ATP6V0A1: variants seen among roughly 807,000 people sequenced by gnomAD.
ATP6V0A1 encodes ATPase H+ transporting V0 subunit a1, also known as V-type proton ATPase 116 kDa subunit a 1.
Under a neutral mutation model 105.4 loss-of-function variants are expected in ATP6V0A1, and 43 were observed. The observed-to-expected ratio is 0.41, with a 90% confidence interval of 0.32 to 0.53. The LOEUF (loss-of-function observed/expected upper bound fraction) is 0.53, where lower values mean the gene tolerates loss of function less well. Among genes scored for constraint, ATP6V0A1 ranks in the 20% least tolerant of loss-of-function variants. ATP6V0A1 has a pLI of 0.30. For synonymous variants in ATP6V0A1, 362 were observed against 372.8 expected (o/e 0.97, Z 0.33); for missense variants, 676 against 1,051.1 (o/e 0.64, Z 4.93).
At chr17:42,464,102 T>G (rs927772201) in intron 2 of ATP6V0A1, among the ~76,000 whole-genome samples, 1 of 152,198 alleles carries the variant, frequency 6.6e-6, no homozygotes, top group Non-Finnish European at 1.5e-5. Flanking sequence ...TGTTCAAAGG[T>G]CAACAGTAAC....
At chr17:42,484,128 G>A (rs533558692) in intron 9 of ATP6V0A1, among the ~76,000 whole-genome samples, 1 of 152,108 alleles carries the variant, frequency 6.6e-6, no homozygotes, top group Non-Finnish European at 1.5e-5. Flanking sequence ...CGCGATCTCG[G>A]CTCACTGCAA....
intron 10 of ATP6V0A1, among the ~76,000 whole-genome samples, chr17:42,490,241 C>A (rs1195948573): frequency 6.6e-6 from 1 of 152,140 alleles, no homozygotes; most frequent in Non-Finnish European, 1.5e-5. Flanking sequence ...GGATGTATTT[C>A]AGAGGATCTA....
chr17:42,508,244 T>C (rs2092147493), intron 18 of ATP6V0A1, among the ~76,000 whole-genome samples: 1 of 152,234 alleles, frequency 6.6e-6, no homozygotes, highest in Non-Finnish European at 1.5e-5. Flanking sequence ...TTAAATCTCA[T>C]CTACTCATTA....
chr17:42,507,433 T>G, intron 17 of ATP6V0A1, 87 bp from the exon 18 acceptor site: 1 of 912,730 alleles, frequency 1.1e-6, no homozygotes, highest in Admixed American at 2.2e-5. Flanking sequence ...TTTCTGAGGT[T>G]TGTGTTACTA....
chr17:42,471,084 CT>C (rs1207940170), intron 5 of ATP6V0A1: 1 of 151,472 alleles, frequency 6.6e-6, no homozygotes, highest in Non-Finnish European at 1.5e-5. Flanking sequence ...GATTGCTCCA[CT>C]GCACTCCAGC....
intron 6 of ATP6V0A1, 43 bp from the exon 7 acceptor site, chr17:42,478,420 A>G (rs374321190): frequency 6.3e-5 from 92 of 1,460,596 alleles, no homozygotes; most frequent in African/African-American, 3.6e-4. Context: ...CTTCCATCCC[A>G]TGACATGGAA....
intron 10 of ATP6V0A1, among the ~76,000 whole-genome samples, chr17:42,489,883 A>T (rs1035729996): frequency 6.6e-6 from 1 of 152,212 alleles, no homozygotes; most frequent in Non-Finnish European, 1.5e-5. Flanking sequence ...TTGCAATGCT[A>T]TGAGATAGGC....
intron 9 of ATP6V0A1, among the ~76,000 whole-genome samples, chr17:42,484,083 A>G (rs1441855447): frequency 1.3e-5 from 2 of 151,636 alleles, no homozygotes; most frequent in African/African-American, 2.4e-5. Flanking sequence ...TGTTTTTGAG[A>G]CGGAGTCTCT....
chr17:42,487,234 T>A lies in ATP6V0A1; in HGVS notation c.890T>A (p.Val297Glu). 1 of 1,614,162 alleles carries A rather than the reference T, an allele frequency of 6.2e-7. No homozygotes were observed. Among genetic ancestry groups the A allele is most frequent in the Non-Finnish European group, 8.5e-7 (1 of 1,180,020 alleles). Residue 297 changes from valine (V) to glutamate (E), a missense_variant, in exon 10 of 22, where the codon GTG becomes GAG. Val to Glu is a moderately radical substitution (Grantham distance 121, BLOSUM62 -2). Around this residue, in one of 3 missense-constraint regions of ATP6V0A1, gnomAD observed 239 missense variants for 388.4 expected, o/e 0.62. Coordinates refer to ENST00000343619, the MANE Select transcript of ATP6V0A1 (RefSeq NM_001130021.3). ...AKNIRVWFIK[V>E]RKMKAIYHTL... The stretch of plus-strand genomic sequence containing the variant: ...AACATCCGTGTCTGGTTCATCAAAG[T>A]GCGGAAGATGAAGGCCATCTATCAC...
chr17:42,473,657 T>C (rs1000880130), intron 5 of ATP6V0A1, among the ~76,000 whole-genome samples: 6 of 152,226 alleles, frequency 3.9e-5, no homozygotes, highest in African/African-American at 1.4e-4. Flanking sequence ...TGCTGAGATA[T>C]TGCTATCTCA....
intron 21 of ATP6V0A1, 113 bp downstream of exon 21, chr17:42,514,573 T>G: frequency 8.6e-7 from 1 of 1,161,272 alleles, no homozygotes; most frequent in Non-Finnish European, 1.2e-6. Flanking sequence ...AAAGATGAGC[T>G]GGCCCTGCAC....
intron 5 of ATP6V0A1, among the ~76,000 whole-genome samples, chr17:42,474,882 A>T (rs2088523137): frequency 6.6e-6 from 1 of 152,214 alleles, no homozygotes; most frequent in African/African-American, 2.4e-5. Context: ...TAGTCTTATG[A>T]TTAAAGATGA....
intron 21 of ATP6V0A1, among the ~76,000 whole-genome samples, chr17:42,517,174 G>A (rs1016055970): frequency 5.9e-5 from 9 of 152,138 alleles, no homozygotes; most frequent in African/African-American, 4.8e-5. Flanking sequence ...CAGCTACTCG[G>A]GAGGCTGAGG....
rs753691113 is a variant in ATP6V0A1, at chr17:42,480,702, C to T, written c.669C>T (p.Phe223=). Residue 223 remains phenylalanine, a synonymous_variant, in exon 8 of 22, where the codon TTC becomes TTT. Transcript: ENST00000343619. The stretch of plus-strand genomic sequence containing the variant: ...TGCACAAGTCTGTGTTTATCATTTT[C>T]TTCCAAGGCGATCAGCTGAAAAACA... ...DYVHKSVFII[F]FQGDQLKNRV... is the part of the protein sequence containing the mutation. The T allele has an allele frequency of 1.2e-6, 2 of 1,613,710 alleles. No individual in the cohort carries two copies. Among genetic ancestry groups the T allele is most frequent in the Admixed American group, 1.7e-5 (1 of 59,956 alleles).
At chr17:42,468,689 C>G (rs1268237966) in intron 4 of ATP6V0A1, among the ~76,000 whole-genome samples, 1 of 152,134 alleles carries the variant, frequency 6.6e-6, no homozygotes, top group East Asian at 1.9e-4. Flanking sequence ...CAGTTCTATC[C>G]ATGTTGCTGC....
chr17:42,488,761 T>G (rs1193533850), intron 10 of ATP6V0A1, among the ~76,000 whole-genome samples: 1 of 112,830 alleles, frequency 8.9e-6, no homozygotes, highest in Non-Finnish European at 1.8e-5. Context: ...ACTCTTGTAA[T>G]CCAGCACTTT....
chr17:42,512,618 C>G (rs1439124975), intron 19 of ATP6V0A1, among the ~76,000 whole-genome samples: 2 of 152,180 alleles, frequency 1.3e-5, no homozygotes, highest in Non-Finnish European at 2.9e-5. Flanking sequence ...GAGAAGCAGA[C>G]GTTCGCCCAG....
chr17:42,488,437 G>A (rs1401260441), intron 10 of ATP6V0A1, among the ~76,000 whole-genome samples: 2 of 152,086 alleles, frequency 1.3e-5, no homozygotes, highest in African/African-American at 4.8e-5. Flanking sequence ...TAGGGGTAAA[G>A]GAACATGATC....
At chr17:42,473,413 G>C (rs1463895237) in intron 5 of ATP6V0A1, among the ~76,000 whole-genome samples, 1 of 152,130 alleles carries the variant, frequency 6.6e-6, no homozygotes, top group Non-Finnish European at 1.5e-5. Context: ...GTAAGACATG[G>C]TCCCTGTGTT....
Sources: allele counts gnomAD v4.1 joint callset (sites outside exome capture counted in the v4.1 genomes callset), GRCh38; gene constraint gnomAD v4.1.1; regional missense constraint gnomAD v4.1.1; transcripts MANE v1.5; gene names NCBI Gene and HGNC (gene_info 2026-07-23, HGNC 2026-07-21).